Variants in PIK3AP1 observed in about 807,000 individuals in gnomAD.
PIK3AP1 encodes phosphoinositide-3-kinase adaptor protein 1, also known as phosphoinositide 3-kinase adapter protein 1.
A neutral mutation model predicts 88.1 loss-of-function variants in PIK3AP1; 21 were observed. The ratio of observed to expected loss-of-function variants is 0.24; its 90% CI spans 0.17 to 0.34. The LOEUF is 0.34. Ranked by LOEUF, PIK3AP1 falls within the 10% of genes least tolerant of loss-of-function variation. The pLI is 1.00. For missense variants in PIK3AP1, 828 were observed against 1,035.7 expected (o/e 0.80, Z 2.75); for synonymous variants, 398 against 400.0 (o/e 1.00, Z 0.06).
intron 2 of PIK3AP1, among the ~76,000 whole-genome samples, chr10:96,663,515 A>G (rs1325808294): frequency 1.3e-5 from 2 of 151,106 alleles, no homozygotes; most frequent in East Asian, 3.9e-4. Flanking sequence ...CTGTAATCCC[A>G]GCTTCTCAGG....
chr10:96,610,635 G>T (rs1486139790), intron 13 of PIK3AP1, among the ~76,000 whole-genome samples: 1 of 152,176 alleles, frequency 6.6e-6, no homozygotes, highest in East Asian at 1.9e-4. Context: ...TTTGTGACTT[G>T]CAAGGCCCCT....
At chr10:96,600,599 C>T (rs1320191168) in intron 16 of PIK3AP1, among the ~76,000 whole-genome samples, 13 of 152,152 alleles carry the variant, frequency 8.5e-5, no homozygotes, top group Admixed American at 6.5e-4. Context: ...TTGCTGGGAG[C>T]GCATGAGAAA....
At chr10:96,602,759 G>A (rs1848921455) in intron 15 of PIK3AP1, among the ~76,000 whole-genome samples, 1 of 152,164 alleles carries the variant, frequency 6.6e-6, no homozygotes. Flanking sequence ...GGCCCCTCCT[G>A]CTTGTCCCAG....
intron 2 of PIK3AP1, among the ~76,000 whole-genome samples, chr10:96,695,923 G>A (rs1844212875): frequency 6.6e-6 from 1 of 152,142 alleles, no homozygotes; most frequent in South Asian, 2.1e-4. Flanking sequence ...AAATACATGT[G>A]CTGTGTAGGC....
At chr10:96,632,833 C>T in intron 8 of PIK3AP1, 5 of 1,585,736 alleles carry the variant, frequency 3.2e-6, no homozygotes, top group Non-Finnish European at 4.3e-6. Flanking sequence ...GACTACACAT[C>T]CACCAGTCCA....
chr10:96,675,711 A>G (rs1189260488), intron 2 of PIK3AP1, among the ~76,000 whole-genome samples: 1 of 152,244 alleles, frequency 6.6e-6, no homozygotes, highest in East Asian at 1.9e-4. Context: ...AATAGAGATT[A>G]TAATTCCTAC....
rs1489662961 is a variant in PIK3AP1, at chr10:96,652,716, T to C, written c.694A>G (p.Ile232Val). 6 of 1,614,118 alleles carry C rather than the reference T, an allele frequency of 3.7e-6. No individual in the cohort carries two copies. Among genetic ancestry groups the C allele is most frequent in the Non-Finnish European group, 5.1e-6 (6 of 1,179,996 alleles). ...MEAKVENEYT[I>V]SVKAPNLSSG... is the part of the protein sequence containing the mutation. ...TACTTACTGGGAGCCTTCACTGAAA[T>C]GGTGTACTCATTCTCCACCTTGGCT... Residue 232 changes from isoleucine to valine, a missense_variant, in exon 4 of 17, where the codon ATT (isoleucine) becomes GTT (valine). Ile to Val is a conservative substitution (Grantham distance 29). This residue lies in a region of PIK3AP1 where 610 missense variants were observed against 760.1 expected (regional missense o/e 0.80). Coordinates refer to ENST00000339364, the MANE Select transcript of PIK3AP1 (RefSeq NM_152309.3).
At chr10:96,692,635 C>T (rs1210494126) in intron 2 of PIK3AP1, among the ~76,000 whole-genome samples, 4 of 151,828 alleles carry the variant, frequency 2.6e-5, no homozygotes, top group East Asian at 1.9e-4. Flanking sequence ...CATAAAATTA[C>T]GTCATAAAAA....
intron 2 of PIK3AP1, among the ~76,000 whole-genome samples, chr10:96,698,110 C>T (rs908111121): frequency 6.6e-6 from 1 of 152,152 alleles, no homozygotes; most frequent in Non-Finnish European, 1.5e-5. Context: ...GAAGGGCAGA[C>T]GAGCACCCTG....
In PIK3AP1 at chr10:96,594,062, T is replaced by C. The variant is rs963370744; in HGVS notation, c.*1515A>G. The C allele has an allele frequency of 1.3e-5, 2 of 152,218 alleles. No individual in the cohort carries two copies. The highest frequency in any genetic ancestry group is 2.9e-5 in the Non-Finnish European group (2 of 68,038). 9.4% of individuals were successfully genotyped at this position (152,218 alleles called of 1,614,324 possible). A position where few individuals can be genotyped will look rare whatever the true frequency, so the allele number is the denominator to read the frequency against. ...TAAAGAAGTATTTCTGATTCTAATT[T>C]TACTGTATGTTTAGGCATCATTAAG... On this transcript the variant is annotated 3_prime_UTR_variant, in exon 17 of 17. Coordinates refer to ENST00000339364, the MANE Select transcript of PIK3AP1 (RefSeq NM_152309.3). The surrounding 1 kb of genome is among the most constrained non-coding windows in gnomAD (Gnocchi z 4.6).
Position 96,709,671 on chromosome 10 carries a change from T to C in PIK3AP1, c.326A>G (p.Glu109Gly). The C allele has an allele frequency of 6.2e-7, 1 of 1,614,250 alleles. No homozygotes were observed. Among genetic ancestry groups the C allele is most frequent in the Non-Finnish European group, 8.5e-7 (1 of 1,180,038 alleles). The change falls in exon 2 of 17, where the codon GAG (glutamate) becomes GGG (glycine). Residue 109 changes from glutamate (E) to glycine (G), a missense_variant. Glu to Gly is a moderately conservative substitution (Grantham distance 98). Around this residue, in one of 3 missense-constraint regions of PIK3AP1, gnomAD observed 610 missense variants for 760.1 expected, o/e 0.80. Coordinates refer to ENST00000339364, the MANE Select transcript of PIK3AP1 (RefSeq NM_152309.3). ...ATCTGGAAAGAAGTCTAGGAACTCC[T>C]CGCTGTCCCGCACGCCGCAGAGCAG... ...VRLLCGVRDS[E>G]EFLDFFPDWA...
At chr10:96,663,358 G>A (rs545653707) in intron 2 of PIK3AP1, among the ~76,000 whole-genome samples, 8 of 152,082 alleles carry the variant, frequency 5.3e-5, no homozygotes, top group South Asian at 2.1e-4. Flanking sequence ...GGCTGGGCGC[G>A]GTGGCTCATA....
At chr10:96,676,699 C>CCT (rs1843926475) in intron 2 of PIK3AP1, among the ~76,000 whole-genome samples, 1 of 146,754 alleles carries the variant, frequency 6.8e-6, no homozygotes, top group Non-Finnish European at 1.5e-5. Context: ...GTTATTCCAA[C>CCT]TGAAAGAGTC....
chr10:96,713,464 A>G (rs963097305), intron 1 of PIK3AP1, among the ~76,000 whole-genome samples: 1 of 145,788 alleles, frequency 6.9e-6, no homozygotes, highest in African/African-American at 2.6e-5. Context: ...AGATTGCGCC[A>G]CTGCACTCCA....
chr10:96,620,789 T>C lies in PIK3AP1; in HGVS notation c.1736-232A>G, dbSNP rs1843069465. Reference sequence around the variant, plus strand: ...AAGGCTGCAACATTTAAGGGAGGCGTGAAATCTGCTGACTCTCCCAAGTCT... The same window carrying C: ...AAGGCTGCAACATTTAAGGGAGGCGCGAAATCTGCTGACTCTCCCAAGTCT... On this transcript the variant is annotated intron_variant, in intron 11 of 16. Transcript: ENST00000339364. 7 of 486,060 alleles carry C rather than the reference T, an allele frequency of 1.4e-5. No individual in the cohort carries two copies. The East Asian group carries it at 2.4e-4, about 16-fold the overall frequency. 30.1% of individuals were successfully genotyped at this position (486,060 alleles called of 1,614,324 possible). A position where few individuals can be genotyped will look rare whatever the true frequency, so the allele number is the denominator to read the frequency against.
At chr10:96,655,079 G>C (rs1843596518) in intron 3 of PIK3AP1, among the ~76,000 whole-genome samples, 1 of 152,132 alleles carries the variant, frequency 6.6e-6, no homozygotes, top group African/African-American at 2.4e-5. Context: ...AATAAAGATG[G>C]GAGTCTCACC....
intron 2 of PIK3AP1, among the ~76,000 whole-genome samples, chr10:96,674,221 T>C (rs1843886428): frequency 1.3e-5 from 2 of 152,238 alleles, no homozygotes; most frequent in Non-Finnish European, 2.9e-5. Context: ...GCCAAGACTC[T>C]AAAGATATTC....
intron 8 of PIK3AP1, among the ~76,000 whole-genome samples, chr10:96,629,137 C>T (rs1389098293): frequency 6.6e-6 from 1 of 151,708 alleles, no homozygotes; most frequent in East Asian, 1.9e-4. Flanking sequence ...TGTACTGAAG[C>T]TATTTCTATC....
intron 2 of PIK3AP1, among the ~76,000 whole-genome samples, chr10:96,688,470 A>C (rs1844105264): frequency 6.6e-6 from 1 of 152,238 alleles, no homozygotes; most frequent in Non-Finnish European, 1.5e-5. Context: ...TAAAAATTAC[A>C]TATATTTATC....
Sources: gnomAD v4.1 joint callset for allele counts (sites outside exome capture counted in the v4.1 genomes callset) on GRCh38, gnomAD v4.1.1 for gene constraint, gnomAD v4.1.1 regional missense constraint, Gnocchi (gnomAD v3.1) non-coding constraint, MANE v1.5 for transcripts, NCBI Gene and HGNC (gene_info 2026-07-23, HGNC 2026-07-21) for gene names.